Variants in DLGAP1 observed in about 807,000 individuals in gnomAD.
DLGAP1 encodes the protein disks large-associated protein 1.
In DLGAP1, 11 loss-of-function variants were observed where a neutral mutation model predicts 90.8. The observed-to-expected ratio is 0.12, with a 90% CI of 0.08 to 0.20. DLGAP1 has a LOEUF of 0.20. Ranked by LOEUF, DLGAP1 falls within the 10% of genes least tolerant of loss-of-function variation. The pLI, the probability that DLGAP1 is intolerant of heterozygous loss-of-function variation, is 1.00. For missense variants in DLGAP1, 1,050 were observed against 1,333.8 expected, an observed-to-expected ratio of 0.79 and a Z score of 3.31; for synonymous variants, 558 against 540.7, an observed-to-expected ratio of 1.03 and a Z score of -0.44.
intron 1 of DLGAP1, among the ~76,000 whole-genome samples, chr18:4,270,448 T>C (rs571398179): frequency 1.7e-4 from 26 of 152,226 alleles, no homozygotes; most frequent in Non-Finnish European, 3.4e-4. Flanking sequence ...GATGATTTGT[T>C]ACTTTAAAAC....
intron 9 of DLGAP1, among the ~76,000 whole-genome samples, chr18:3,547,682 A>G (rs68046327): frequency 0.098 from 14,937 of 152,152 alleles, 889 homozygotes; most frequent in Middle Eastern, 0.16. Flanking sequence ...GGATGGTAAA[A>G]CGGTGCAGCC....
chr18:4,363,361 T>G (rs944667026), intron 1 of DLGAP1, among the ~76,000 whole-genome samples: 1 of 152,086 alleles, frequency 6.6e-6, no homozygotes, highest in African/African-American at 2.4e-5. Flanking sequence ...TACACAGGGA[T>G]CCTTGGGAAA....
rs758199091 is a variant in DLGAP1, at chr18:3,499,792, T to C, written c.2725-398A>G. Among the ~76,000 whole-genome samples the C allele has an allele frequency of 4.7e-4, 71 of 152,042 alleles. 2 individuals carry two copies. Among genetic ancestry groups the C allele is most frequent in the Admixed American group, 2.0e-4 (3 of 15,268 alleles). ...GCAGCAGCATCTTAGAACCCCTGCA[T>C]CCCCTCTAAGGATGCAAGTCACCGG... On this transcript the variant is annotated intron_variant, in intron 12 of 12. Coordinates refer to ENST00000315677, the MANE Select transcript of DLGAP1 (RefSeq NM_004746.4). This position sits in a 1 kb window ranked among gnomAD's most constrained non-coding sequence, Gnocchi z 6.4.
chr18:3,696,536 AG>A (rs2061099281), intron 7 of DLGAP1, among the ~76,000 whole-genome samples: 1 of 152,218 alleles, frequency 6.6e-6, no homozygotes, highest in Non-Finnish European at 1.5e-5. Flanking sequence ...CTTACATCCC[AG>A]GGATGAAGCC....
At chr18:3,638,924 C>T (rs2058823152) in intron 7 of DLGAP1, among the ~76,000 whole-genome samples, 1 of 152,178 alleles carries the variant, frequency 6.6e-6, no homozygotes, top group African/African-American at 2.4e-5. Flanking sequence ...GATAAGGTTG[C>T]AATCGTTGTA....
intron 9 of DLGAP1, among the ~76,000 whole-genome samples, chr18:3,558,003 A>G (rs1303273034): frequency 6.6e-6 from 1 of 152,126 alleles, no homozygotes; most frequent in African/African-American, 2.4e-5. Context: ...AATGTTCCAT[A>G]TGAGCTTGAG....
At chr18:3,808,754 C>T (rs1185203418) in intron 5 of DLGAP1, among the ~76,000 whole-genome samples, 1 of 151,828 alleles carries the variant, frequency 6.6e-6, no homozygotes, top group African/African-American at 2.4e-5. Context: ...GAGTGTATGA[C>T]GTGAGGAACA....
intron 1 of DLGAP1, among the ~76,000 whole-genome samples, chr18:4,205,770 A>G (rs371493823): frequency 1.4e-4 from 21 of 152,374 alleles, no homozygotes; most frequent in African/African-American, 4.6e-4. Flanking sequence ...GATAACACAG[A>G]GAATGTTTCC....
intron 6 of DLGAP1, among the ~76,000 whole-genome samples, chr18:3,738,604 C>T (rs1327749053): frequency 2.0e-5 from 3 of 152,022 alleles, no homozygotes; most frequent in Non-Finnish European, 4.4e-5. Flanking sequence ...CCCTTCCTTA[C>T]ACCTTATACA....
intron 5 of DLGAP1, among the ~76,000 whole-genome samples, chr18:3,748,096 T>G (rs1301905881): frequency 1.3e-5 from 2 of 152,260 alleles, no homozygotes; most frequent in Non-Finnish European, 2.9e-5. Flanking sequence ...GGCACTCTTC[T>G]TTTTCCATCC....
chr18:3,549,916 T>G (rs1214355112), intron 9 of DLGAP1, among the ~76,000 whole-genome samples: 1 of 151,836 alleles, frequency 6.6e-6, no homozygotes, highest in Non-Finnish European at 1.5e-5. Flanking sequence ...TATTTATTAT[T>G]TATTTACTTA....
At chr18:3,763,986 A>G (rs1303154939) in intron 5 of DLGAP1, among the ~76,000 whole-genome samples, 2 of 152,184 alleles carry the variant, frequency 1.3e-5, no homozygotes, top group African/African-American at 2.4e-5. Context: ...TATGCAATAC[A>G]TGCATATATC....
intron 7 of DLGAP1, among the ~76,000 whole-genome samples, chr18:3,591,487 G>A (rs2056243756): frequency 6.6e-6 from 1 of 151,912 alleles, no homozygotes; most frequent in Admixed American, 6.6e-5. Context: ...TCAGGAGTCT[G>A]AGACCAGCTA....
At chr18:3,506,193 C>T (rs1471659481) in intron 11 of DLGAP1, among the ~76,000 whole-genome samples, 3 of 151,658 alleles carry the variant, frequency 2.0e-5, no homozygotes, top group East Asian at 1.9e-4. Flanking sequence ...GCCAAGATCA[C>T]GCCACTGCCC....
chr18:3,634,712 G>A (rs1223407654), intron 7 of DLGAP1, among the ~76,000 whole-genome samples: 2 of 152,182 alleles, frequency 1.3e-5, no homozygotes, highest in Non-Finnish European at 2.9e-5. Flanking sequence ...CACATGAGAT[G>A]AGGTAATTGG....
chr18:4,174,551 T>G (rs1188915538), intron 1 of DLGAP1, among the ~76,000 whole-genome samples: 1 of 152,130 alleles, frequency 6.6e-6, no homozygotes, highest in African/African-American at 2.4e-5. Flanking sequence ...GTCAGGCTGA[T>G]CTTGAACTCC....
At chr18:3,624,285 G>A (rs768097320) in intron 7 of DLGAP1, among the ~76,000 whole-genome samples, 1 of 152,252 alleles carries the variant, frequency 6.6e-6, no homozygotes, top group Non-Finnish European at 1.5e-5. Context: ...GGGCGAGCCT[G>A]CGTGCCCCTG....
chr18:4,266,095 T>C (rs2079126408), intron 1 of DLGAP1, among the ~76,000 whole-genome samples: 1 of 152,178 alleles, frequency 6.6e-6, no homozygotes, highest in African/African-American at 2.4e-5. Context: ...TTGAAATTTG[T>C]AGGATACACA....
intron 2 of DLGAP1, among the ~76,000 whole-genome samples, chr18:4,146,239 T>C (rs890574932): frequency 6.6e-6 from 1 of 152,202 alleles, no homozygotes; most frequent in Non-Finnish European, 1.5e-5. Flanking sequence ...GTCTTTAAAG[T>C]GACCTTTCAG....
Sources: allele counts gnomAD v4.1 joint callset (sites outside exome capture counted in the v4.1 genomes callset), GRCh38; gene constraint gnomAD v4.1.1; non-coding constraint Gnocchi (gnomAD v3.1); transcripts MANE v1.5; gene names NCBI Gene and HGNC (gene_info 2026-07-23, HGNC 2026-07-21).